MEF2A: variants seen among roughly 807,000 people sequenced by gnomAD.
MEF2A encodes myocyte enhancer factor 2A.
A neutral mutation model predicts 55.8 loss-of-function variants in MEF2A; 28 were observed. That is an observed-to-expected ratio of 0.50 (90% confidence interval 0.37 to 0.69). The LOEUF (loss-of-function observed/expected upper bound fraction) is 0.69. Ranked by LOEUF, MEF2A falls within the 30% of genes least tolerant of loss-of-function variation. MEF2A has a pLI of 0.00. For synonymous variants in MEF2A, 239 were observed against 227.1 expected (o/e 1.05, Z -0.47); for missense variants, 528 against 626.2 (o/e 0.84, Z 1.67).
At chr15:99,695,387 G>T (rs325386) in intron 8 of MEF2A, among the ~76,000 whole-genome samples, 33,484 of 152,060 alleles carry the variant, frequency 0.22, 4,377 homozygotes, top group South Asian at 0.31. Context: ...GTCAGTAGAA[G>T]AGATAAAATA....
At chr15:99,692,328 C>T (rs974764736) in intron 8 of MEF2A, among the ~76,000 whole-genome samples, 2 of 152,132 alleles carry the variant, frequency 1.3e-5, no homozygotes, top group Non-Finnish European at 2.9e-5. Context: ...AAAACAAGTA[C>T]TTTTTTATCT....
intron 2 of MEF2A, among the ~76,000 whole-genome samples, chr15:99,613,581 G>A (rs2039671594): frequency 6.6e-6 from 1 of 152,176 alleles, no homozygotes; most frequent in African/African-American, 2.4e-5. Flanking sequence ...AGCAGGAGTA[G>A]TAGTGGGAAG....
intron 6 of MEF2A, 107 bp downstream of exon 6, chr15:99,674,719 G>A (rs2051579960): frequency 2.1e-6 from 2 of 945,218 alleles, no homozygotes; most frequent in South Asian, 1.6e-5. Context: ...GCTTTGATGA[G>A]CAAGAATCAC....
intron 10 of MEF2A, among the ~76,000 whole-genome samples, chr15:99,710,054 G>A (rs968253340): frequency 6.6e-6 from 1 of 152,140 alleles, no homozygotes; most frequent in South Asian, 2.1e-4. Context: ...GTTCCAAAGG[G>A]TAGTGGCAGG....
intron 1 of MEF2A, among the ~76,000 whole-genome samples, chr15:99,579,683 A>G (rs1251758139): frequency 3.3e-5 from 5 of 152,240 alleles, no homozygotes; most frequent in Admixed American, 3.3e-4. Flanking sequence ...GGCGTGAGTC[A>G]CTGTGCCCAG....
At chr15:99,624,335 A>G in intron 2 of MEF2A, among the ~76,000 whole-genome samples, 1 of 152,070 alleles carries the variant, frequency 6.6e-6, no homozygotes, top group East Asian at 1.9e-4. Context: ...TAAATCTTTG[A>G]TCTATTGTGA....
At chr15:99,669,881 T>TAGATCA (rs2050516999) in intron 4 of MEF2A, among the ~76,000 whole-genome samples, 1 of 152,228 alleles carries the variant, frequency 6.6e-6, no homozygotes, top group African/African-American at 2.4e-5. Context: ...AAAATATCTT[T>TAGATCA]AGATCTAATT....
intron 3 of MEF2A, among the ~76,000 whole-genome samples, chr15:99,637,626 CTT>C (rs1324180106): frequency 6.6e-6 from 1 of 151,872 alleles, no homozygotes; most frequent in Non-Finnish European, 1.5e-5. Flanking sequence ...CCAGCCAACA[CTT>C]GTTATTGTCT....
chr15:99,704,076 A>C (rs563436206), intron 9 of MEF2A, among the ~76,000 whole-genome samples: 1 of 152,346 alleles, frequency 6.6e-6, no homozygotes, highest in African/African-American at 2.4e-5. Flanking sequence ...CCAAAACCTC[A>C]CAGGAGTCAT....
chr15:99,671,623 A>G, intron 5 of MEF2A, 169 bp downstream of exon 5: 2 of 1,590,308 alleles, frequency 1.3e-6, no homozygotes, highest in Non-Finnish European at 1.7e-6. Context: ...ATTAATGAGG[A>G]ATTTGATAAT....
chr15:99,700,065 G>GGCCAGGCT (rs2057167524), intron 8 of MEF2A, among the ~76,000 whole-genome samples: 1 of 144,052 alleles, frequency 6.9e-6, no homozygotes, highest in African/African-American at 2.5e-5. Flanking sequence ...TCGCCATGTT[G>GGCCAGGCT]GCCAGGCTGG....
chr15:99,699,697 A>G (rs2057073208), intron 8 of MEF2A, among the ~76,000 whole-genome samples: 1 of 152,234 alleles, frequency 6.6e-6, no homozygotes, highest in Non-Finnish European at 1.5e-5. Flanking sequence ...GGATACTGTA[A>G]GGTTAGAGAC....
intron 4 of MEF2A, among the ~76,000 whole-genome samples, chr15:99,659,026 A>G (rs1332599150): frequency 1.3e-5 from 2 of 152,158 alleles, no homozygotes; most frequent in Admixed American, 6.5e-5. Context: ...TGTTGAATGA[A>G]AGAAAAAAGG....
At chr15:99,706,935 A>G (rs1399847599) in intron 10 of MEF2A, 80 bp downstream of exon 10, 1 of 1,459,656 alleles carries the variant, frequency 6.9e-7, no homozygotes, top group African/African-American at 1.4e-5. Flanking sequence ...ATTTTTTTTA[A>G]GTATATTTAT....
At chr15:99,568,262 A>G (rs1267083715) in intron 1 of MEF2A, among the ~76,000 whole-genome samples, 3 of 152,220 alleles carry the variant, frequency 2.0e-5, no homozygotes, top group Non-Finnish European at 4.4e-5. Context: ...ATGTTGAATT[A>G]TGGTTTGAGA....
At chr15:99,569,983 T>C (rs1047059438) in intron 1 of MEF2A, among the ~76,000 whole-genome samples, 2 of 151,788 alleles carry the variant, frequency 1.3e-5, no homozygotes, top group Non-Finnish European at 2.9e-5. Context: ...TTGGTACTTA[T>C]TTAATAAGTA....
intron 3 of MEF2A, among the ~76,000 whole-genome samples, chr15:99,645,064 G>A (rs951471580): frequency 8.5e-5 from 13 of 152,180 alleles, no homozygotes; most frequent in African/African-American, 2.4e-5. Context: ...AACAGTTAAA[G>A]AAGAATTTGA....
intron 5 of MEF2A, among the ~76,000 whole-genome samples, chr15:99,673,153 T>C (rs2051212933): frequency 6.6e-6 from 1 of 152,196 alleles, no homozygotes; most frequent in Non-Finnish European, 1.5e-5. Context: ...TATGGCATCA[T>C]GTTGGTGCTC....
intron 1 of MEF2A, among the ~76,000 whole-genome samples, chr15:99,576,796 G>A (rs1019856399): frequency 2.6e-5 from 4 of 151,768 alleles, no homozygotes; most frequent in African/African-American, 7.3e-5. Context: ...GCCTGCCACC[G>A]CGCCCGGCTA....
Sources: allele counts gnomAD v4.1 joint callset (sites outside exome capture counted in the v4.1 genomes callset), GRCh38; gene constraint gnomAD v4.1.1; transcripts MANE v1.5; gene names NCBI Gene and HGNC (gene_info 2026-07-23, HGNC 2026-07-21).